Variants in CPE observed in about 807,000 individuals in gnomAD.
CPE encodes carboxypeptidase E.
In CPE, 17 loss-of-function variants were observed where a neutral mutation model predicts 53.5. The observed-to-expected ratio is 0.32, with a 90% confidence interval of 0.22 to 0.48. The LOEUF (loss-of-function observed/expected upper bound fraction) is 0.48, where lower values mean the gene tolerates loss of function less well. Among genes scored for constraint, CPE ranks in the 20% least tolerant of loss-of-function variants. The pLI is 0.99. For missense variants in CPE, 524 were observed against 614.7 expected, an observed-to-expected ratio of 0.85 and a Z score of 1.56; for synonymous variants, 226 against 228.8, an observed-to-expected ratio of 0.99 and a Z score of 0.11.
chr4:165,455,836 A>G (rs1291870149), intron 1 of CPE, among the ~76,000 whole-genome samples: 1 of 152,142 alleles, frequency 6.6e-6, no homozygotes, highest in Admixed American at 6.6e-5. Flanking sequence ...TATTTTTAGT[A>G]GAGACAGGGT....
intron 7 of CPE, among the ~76,000 whole-genome samples, chr4:165,494,205 C>T (rs1483341542): frequency 6.6e-6 from 1 of 152,232 alleles, no homozygotes; most frequent in Non-Finnish European, 1.5e-5. Flanking sequence ...AGCCCCTTAG[C>T]CCTTAGCTGA....
intron 1 of CPE, chr4:165,405,246 C>T: frequency 3.5e-6 from 3 of 851,358 alleles, no homozygotes; most frequent in Non-Finnish European, 6.2e-6. Flanking sequence ...ATGCCTGCTC[C>T]CATCATCCCT....
intron 1 of CPE, among the ~76,000 whole-genome samples, chr4:165,420,338 C>T (rs1731187702): frequency 6.6e-6 from 1 of 152,090 alleles, no homozygotes; most frequent in Admixed American, 6.5e-5. Flanking sequence ...ATATACTTCT[C>T]ATTGTAGTCA....
intron 1 of CPE, among the ~76,000 whole-genome samples, chr4:165,449,407 A>T (rs1731771714): frequency 6.6e-6 from 1 of 152,092 alleles, no homozygotes; most frequent in Admixed American, 6.6e-5. Context: ...GAGGGGCCTA[A>T]TTTTTTGTGT....
At chr4:165,422,993 A>AAAT in intron 1 of CPE, among the ~76,000 whole-genome samples, 1 of 151,666 alleles carries the variant, frequency 6.6e-6, no homozygotes, top group East Asian at 1.9e-4. Flanking sequence ...AAAAAAAAAA[A>AAAT]AAAAGATATA....
intron 1 of CPE, among the ~76,000 whole-genome samples, chr4:165,391,820 C>G (rs186362853): frequency 5.9e-5 from 9 of 152,128 alleles, no homozygotes; most frequent in Admixed American, 5.9e-4. Flanking sequence ...GGTATTGACT[C>G]TAATTCTTCA....
chr4:165,407,382 A>G (rs1421469477), intron 1 of CPE, among the ~76,000 whole-genome samples: 1 of 150,156 alleles, frequency 6.7e-6, no homozygotes, highest in African/African-American at 2.4e-5. Flanking sequence ...CCATATGTAT[A>G]TCTTCTTTGG....
At chr4:165,448,980 T>C (rs2126690596) in intron 1 of CPE, among the ~76,000 whole-genome samples, 1 of 152,338 alleles carries the variant, frequency 6.6e-6, no homozygotes, top group African/African-American at 2.4e-5. Context: ...CTAGGTTTTC[T>C]CATCTGTAAA....
intron 1 of CPE, among the ~76,000 whole-genome samples, chr4:165,386,656 A>G (rs1287214364): frequency 6.6e-6 from 1 of 152,224 alleles, no homozygotes; most frequent in African/African-American, 2.4e-5. Flanking sequence ...TGTCTCATAT[A>G]ACTGGACTAG....
intron 6 of CPE, among the ~76,000 whole-genome samples, chr4:165,490,515 C>T (rs1017648810): frequency 6.6e-6 from 1 of 151,742 alleles, no homozygotes; most frequent in Non-Finnish European, 1.5e-5. Context: ...TGCCTGTAGT[C>T]CCAGCTACTC....
chr4:165,479,865 A>G (rs1732372172), intron 3 of CPE, among the ~76,000 whole-genome samples: 3 of 151,956 alleles, frequency 2.0e-5, no homozygotes, highest in Admixed American at 2.0e-4. Context: ...GGTGGCAGGC[A>G]CCTGTAGTCC....
At chr4:165,418,890 T>C (rs1179475210) in intron 1 of CPE, among the ~76,000 whole-genome samples, 1 of 152,148 alleles carries the variant, frequency 6.6e-6, no homozygotes, top group African/African-American at 2.4e-5. Flanking sequence ...AAACTAATCA[T>C]TTGGAATAGT....
Position 165,421,666 on chromosome 4 carries a change from AAGTTTGATTT to A in CPE, c.307+42141_307+42150del, listed in dbSNP as rs1410468728. 5.8e-4 allele frequency among the ~76,000 whole-genome samples: 82 copies of A among 140,380 alleles called. 1 individual carries two copies. Among genetic ancestry groups the A allele is most frequent in the Non-Finnish European group, 1.9e-4 (12 of 63,214 alleles). 92.1% of individuals were successfully genotyped at this position (140,380 alleles called of 152,430 possible). On this transcript the variant is annotated intron_variant, in intron 1 of 8. Coordinates refer to ENST00000402744, the MANE Select transcript of CPE (RefSeq NM_001873.4). Reference sequence around the variant, plus strand: ...TGGAGTTGTAGTTATAGAATTCTTAAAGTTTGATTTAGGCTAAACATTGTGCTCACATTTT... The same window carrying A: ...TGGAGTTGTAGTTATAGAATTCTTAAAGGCTAAACATTGTGCTCACATTTT...
intron 1 of CPE, among the ~76,000 whole-genome samples, chr4:165,423,775 C>T (rs891808912): frequency 2.7e-5 from 4 of 148,268 alleles, no homozygotes; most frequent in Admixed American, 6.7e-5. Flanking sequence ...GTATATCTCC[C>T]AATGCTATCC....
At chr4:165,404,486 G>A (rs1345711349) in intron 1 of CPE, 1 of 787,054 alleles carries the variant, frequency 1.3e-6, no homozygotes, top group African/African-American at 1.7e-5. Flanking sequence ...GAAGCCCTTG[G>A]ACACCATCTA....
chr4:165,473,224 C>T (rs1732239231), intron 3 of CPE, among the ~76,000 whole-genome samples: 1 of 152,246 alleles, frequency 6.6e-6, no homozygotes, highest in Non-Finnish European at 1.5e-5. Context: ...TTGTCCCAAA[C>T]ATTCCTCTTT....
intron 5 of CPE, 144 bp from the exon 6 acceptor site, chr4:165,487,294 A>T: frequency 9.4e-7 from 1 of 1,065,478 alleles, no homozygotes; most frequent in Non-Finnish European, 1.4e-6. Context: ...CTTACAGCAG[A>T]TGATTTCCCT....
intron 3 of CPE, among the ~76,000 whole-genome samples, chr4:165,472,878 G>C (rs77431758): frequency 0.041 from 6,216 of 152,238 alleles, 193 homozygotes; most frequent in East Asian, 0.14. Flanking sequence ...ATGTTACACT[G>C]TTAACTCTTA....
At chr4:165,469,470 C>T (rs1419535976) in intron 3 of CPE, among the ~76,000 whole-genome samples, 3 of 152,150 alleles carry the variant, frequency 2.0e-5, no homozygotes, top group Non-Finnish European at 4.4e-5. Flanking sequence ...CTCATACCAA[C>T]TCTTTTGTGC....
Sources: gnomAD v4.1 joint callset for allele counts (sites outside exome capture counted in the v4.1 genomes callset) on GRCh38, gnomAD v4.1.1 for gene constraint, MANE v1.5 for transcripts, NCBI Gene and HGNC (gene_info 2026-07-23, HGNC 2026-07-21) for gene names.